ERN1: variants seen among roughly 807,000 people sequenced by gnomAD.
ERN1 encodes the protein serine/threonine-protein kinase/endoribonuclease IRE1.
A neutral mutation model predicts 113.1 loss-of-function variants in ERN1; 39 were observed. That is an observed-to-expected ratio of 0.34 (90% confidence interval 0.27 to 0.45). ERN1 has a LOEUF of 0.45. ERN1 is among the 20% of genes least tolerant of loss of function. The probability of loss-of-function intolerance (pLI) is 1.00; values close to 1 mark genes in which losing one functional copy is unlikely to be tolerated. For synonymous variants in ERN1, 507 were observed against 515.9 expected, an observed-to-expected ratio of 0.98 and a Z score of 0.23; for missense variants, 976 against 1,274.8, an observed-to-expected ratio of 0.77 and a Z score of 3.57.
intron 18 of ERN1, among the ~76,000 whole-genome samples, chr17:64,048,835 G>A (rs561547718): frequency 1.1e-4 from 16 of 152,186 alleles, no homozygotes; most frequent in Non-Finnish European, 1.8e-4. Context: ...GTGACCTGGA[G>A]GAACCTTGGA....
Position 64,054,583 on chromosome 17 carries a change from G to T in ERN1, c.1764-144C>A, listed in dbSNP as rs1427661330. On this transcript the variant is annotated intron_variant, in intron 14 of 21. Transcript: ENST00000433197. The surrounding 1 kb of genome is among the most constrained non-coding windows in gnomAD (Gnocchi z 4.9). ...ACTGCCTGGTGGCCCCGGAATCATCGCTTGTCTCAGTGTGCAAGCTCCCTG... is the reference window on the plus strand; with the variant it reads ...ACTGCCTGGTGGCCCCGGAATCATCTCTTGTCTCAGTGTGCAAGCTCCCTG... 9.9e-7 allele frequency: 1 copy of T among 1,010,910 alleles called. No individual in the cohort carries two copies. The highest frequency in any genetic ancestry group is 1.4e-6 in the Non-Finnish European group (1 of 691,096). The allele number at this position is 1,010,910 out of a possible 1,614,324, so 62.6% of individuals were successfully genotyped here. A position where few individuals can be genotyped will look rare whatever the true frequency, so the allele number is the denominator to read the frequency against.
At chr17:64,071,768 C>T (rs1030444828) in intron 6 of ERN1, among the ~76,000 whole-genome samples, 6 of 152,214 alleles carry the variant, frequency 3.9e-5, no homozygotes, top group Middle Eastern at 6.8e-3. Context: ...GTGGCAGCGG[C>T]GTCACAGGGG....
chr17:64,090,979 C>T lies in ERN1; in HGVS notation c.175+7142G>A, dbSNP rs927499157. On this transcript the variant is annotated intron_variant, in intron 2 of 21. Transcript: ENST00000433197. ...AGTAAAAACAGGTTTCTCTCACAGC[C>T]CCTTTCATAAAACTTAATTTTCAAT... Among the ~76,000 whole-genome samples, 25 of 152,304 alleles carry T rather than the reference C, an allele frequency of 1.6e-4. No individual in the cohort carries two copies. The Middle Eastern group carries it at 0.017, about 104-fold the overall frequency.
chr17:64,092,200 T>C (rs374688406), intron 2 of ERN1, among the ~76,000 whole-genome samples: 1 of 152,088 alleles, frequency 6.6e-6, no homozygotes, highest in East Asian at 1.9e-4. Flanking sequence ...GGAGTCAGGT[T>C]TGCAGGGTCC....
intron 7 of ERN1, among the ~76,000 whole-genome samples, chr17:64,067,290 G>A (rs143859972): frequency 3.9e-5 from 6 of 152,024 alleles, no homozygotes; most frequent in Admixed American, 2.0e-4. Flanking sequence ...GAAACCCATC[G>A]ATCAAACTGA....
intron 1 of ERN1, among the ~76,000 whole-genome samples, chr17:64,111,439 T>C (rs1320737062): frequency 6.6e-6 from 1 of 151,620 alleles, no homozygotes; most frequent in Non-Finnish European, 1.5e-5. Flanking sequence ...CACGGCAACC[T>C]CCACCTCCTG....
At chr17:64,098,354 G>T in intron 1 of ERN1, 113 bp from the exon 2 acceptor site, 1 of 1,342,938 alleles carries the variant, frequency 7.4e-7, no homozygotes, top group Non-Finnish European at 1.1e-6. Context: ...CCATTTTACA[G>T]ATGAAGAAAT....
chr17:64,065,416 A>G, intron 8 of ERN1, 129 bp from the exon 9 acceptor site: 2 of 640,476 alleles, frequency 3.1e-6, no homozygotes, highest in Non-Finnish European at 5.4e-6. Flanking sequence ...GGAGGAACGC[A>G]GTAGGGGTGT....
chr17:64,096,756 C>T (rs190168857), intron 2 of ERN1, among the ~76,000 whole-genome samples: 73 of 152,242 alleles, frequency 4.8e-4, no homozygotes, highest in South Asian at 4.2e-4. Flanking sequence ...GACTAAGTAA[C>T]GGAGAGGACA....
intron 1 of ERN1, chr17:64,102,576 A>G (rs1240810565): frequency 2.4e-6 from 2 of 833,128 alleles, no homozygotes; most frequent in Non-Finnish European, 2.9e-6. Flanking sequence ...AAGCATGAAC[A>G]TGCCTGAGTT....
intron 12 of ERN1, among the ~76,000 whole-genome samples, chr17:64,057,350 C>G (rs984631542): frequency 1.4e-5 from 1 of 73,052 alleles, no homozygotes; most frequent in African/African-American, 4.5e-5. Flanking sequence ...TAAACAAACA[C>G]TGACTTTTTT....
chr17:64,041,000 T>C lies in ERN1; in HGVS notation c.*2988A>G, dbSNP rs916309749. 1 of 151,762 alleles carries C rather than the reference T, an allele frequency of 6.6e-6. No individual in the cohort carries two copies. Among genetic ancestry groups the C allele is most frequent in the Non-Finnish European group, 1.5e-5 (1 of 67,964 alleles). The allele number at this position is 151,762 out of a possible 1,614,324, so 9.4% of individuals were successfully genotyped here. ...CTCTACTAAAAAAAATATAAAAAAT[T>C]AGCCGAGCGTGGTGGCACACACCTG... On this transcript the variant is annotated 3_prime_UTR_variant, in exon 22 of 22. Transcript: ENST00000433197.
Position 64,063,924 on chromosome 17 carries a change from C to T in ERN1, c.1087+62G>A, listed in dbSNP as rs958928952. The T allele has an allele frequency of 1.2e-5, 19 of 1,525,918 alleles. No homozygotes were observed. The African/African-American group carries it at 1.6e-4, about 13-fold the overall frequency. 94.5% of individuals were successfully genotyped at this position (1,525,918 alleles called of 1,614,324 possible). ...AGTACGGTGTAACTACCAGGGCCGG[C>T]GGTCGCCCACCAGGAGGCAGCACGC... On this transcript the variant is annotated intron_variant, in intron 10 of 21. Transcript: ENST00000433197. This position sits in a 1 kb window ranked among gnomAD's most constrained non-coding sequence, Gnocchi z 5.1.
At chr17:64,120,712 C>G (rs1246415994) in intron 1 of ERN1, among the ~76,000 whole-genome samples, 1 of 152,046 alleles carries the variant, frequency 6.6e-6, no homozygotes, top group Non-Finnish European at 1.5e-5. Context: ...ATAAGAAGAG[C>G]CCACCAAAAG....
chr17:64,084,815 G>A (rs1385783824), intron 2 of ERN1, among the ~76,000 whole-genome samples: 2 of 152,118 alleles, frequency 1.3e-5, no homozygotes, highest in Non-Finnish European at 2.9e-5. Context: ...TTCCAGCCAT[G>A]CCGGCCTCCA....
At chr17:64,098,545 T>C (rs773617905) in intron 1 of ERN1, 6 of 594,718 alleles carry the variant, frequency 1.0e-5, no homozygotes, top group South Asian at 2.8e-5. Flanking sequence ...CTCAGCTTTC[T>C]GACTTCCTTC....
At chr17:64,067,183 T>C (rs943181983) in intron 7 of ERN1, among the ~76,000 whole-genome samples, 2 of 152,194 alleles carry the variant, frequency 1.3e-5, no homozygotes, top group African/African-American at 2.4e-5. Context: ...TATTTGGTGA[T>C]GTTCTTTAAC....
intron 5 of ERN1, 78 bp from the exon 6 acceptor site, chr17:64,072,181 T>C (rs1240715733): frequency 1.3e-6 from 2 of 1,524,376 alleles, no homozygotes; most frequent in African/African-American, 2.7e-5. Flanking sequence ...GCCAAGATGC[T>C]CTGTATTGAG....
intron 13 of ERN1, 62 bp downstream of exon 13, chr17:64,055,613 G>T (rs980178462): frequency 6.9e-7 from 1 of 1,440,016 alleles, no homozygotes; most frequent in South Asian, 1.4e-5. Flanking sequence ...GAGACTCCTT[G>T]GACTTCTCAG....
Sources: allele counts gnomAD v4.1 joint callset (sites outside exome capture counted in the v4.1 genomes callset), GRCh38; gene constraint gnomAD v4.1.1; non-coding constraint Gnocchi (gnomAD v3.1); transcripts MANE v1.5; gene names NCBI Gene and HGNC (gene_info 2026-07-23, HGNC 2026-07-21).